FBXL7: variants seen among roughly 807,000 people sequenced by gnomAD.
FBXL7 encodes the protein F-box and leucine rich repeat protein 7.
FBXL7 carries 12 observed loss-of-function variants against 38.3 expected under a neutral mutation model. That is an observed-to-expected ratio of 0.31 (90% CI 0.20 to 0.51). The LOEUF is 0.51. Among genes scored for constraint, FBXL7 ranks in the 20% least tolerant of loss-of-function variants. The probability of loss-of-function intolerance (pLI) is 0.98; values close to 1 mark genes in which losing one functional copy is unlikely to be tolerated. For synonymous variants in FBXL7, 297 were observed against 300.9 expected (o/e 0.99, Z 0.13); for missense variants, 567 against 676.4 (o/e 0.84, Z 1.79).
intron 2 of FBXL7, among the ~76,000 whole-genome samples, chr5:15,790,985 G>T (rs557810554): frequency 6.6e-6 from 1 of 151,936 alleles, no homozygotes; most frequent in East Asian, 1.9e-4. Flanking sequence ...TCTGAATGGG[G>T]TGGCCTGGTA....
chr5:15,907,721 C>A (rs1741390158), intron 2 of FBXL7, among the ~76,000 whole-genome samples: 1 of 91,882 alleles, frequency 1.1e-5, no homozygotes, highest in African/African-American at 5.2e-5. Context: ...GATCCAGTTT[C>A]AGCTTTCTAC....
chr5:15,652,926 C>T (rs1426177965), intron 2 of FBXL7, among the ~76,000 whole-genome samples: 1 of 152,164 alleles, frequency 6.6e-6, no homozygotes, highest in African/African-American at 2.4e-5. Context: ...GTGATAGATA[C>T]TCCATTTATC....
intron 2 of FBXL7, among the ~76,000 whole-genome samples, chr5:15,631,454 G>C (rs1740993713): frequency 6.6e-6 from 1 of 152,008 alleles, no homozygotes; most frequent in Non-Finnish European, 1.5e-5. Context: ...CCAGCACTTT[G>C]GGAAGCTGAG....
intron 2 of FBXL7, among the ~76,000 whole-genome samples, chr5:15,851,074 A>G (rs1472405111): frequency 6.6e-6 from 1 of 152,130 alleles, no homozygotes; most frequent in Non-Finnish European, 1.5e-5. Flanking sequence ...GCCTTTCTTG[A>G]TAGACAGCAT....
chr5:15,821,762 C>G (rs1434464578), intron 2 of FBXL7, among the ~76,000 whole-genome samples: 1 of 152,216 alleles, frequency 6.6e-6, no homozygotes, highest in Non-Finnish European at 1.5e-5. Flanking sequence ...CACTCATCCC[C>G]ACCAAGCTCT....
intron 2 of FBXL7, among the ~76,000 whole-genome samples, chr5:15,650,345 A>G (rs1741665223): frequency 6.6e-6 from 1 of 152,338 alleles, no homozygotes; most frequent in Middle Eastern, 3.4e-3. Context: ...CTTAATTTTA[A>G]AATACTTTAT....
chr5:15,777,918 G>C (rs537074118), intron 2 of FBXL7, among the ~76,000 whole-genome samples: 2 of 151,726 alleles, frequency 1.3e-5, no homozygotes, highest in African/African-American at 4.8e-5. Context: ...CCACATGAAC[G>C]CCAGCAATCA....
At chr5:15,601,413 C>T (rs2126493843) in intron 1 of FBXL7, among the ~76,000 whole-genome samples, 1 of 152,316 alleles carries the variant, frequency 6.6e-6, no homozygotes, top group Non-Finnish European at 1.5e-5. Context: ...TCATTACTCT[C>T]TTCAGAAACC....
chr5:15,679,498 G>A (rs1742773253), intron 2 of FBXL7, among the ~76,000 whole-genome samples: 1 of 150,214 alleles, frequency 6.7e-6, no homozygotes, highest in South Asian at 2.1e-4. Context: ...ACTTTGCTGA[G>A]AGACTGTCTC....
chr5:15,742,499 C>T (rs1214995550), intron 2 of FBXL7, among the ~76,000 whole-genome samples: 8 of 152,152 alleles, frequency 5.3e-5, no homozygotes, highest in African/African-American at 9.7e-5. Flanking sequence ...ATGTGGTAGG[C>T]ATTCAGTAAA....
intron 2 of FBXL7, among the ~76,000 whole-genome samples, chr5:15,722,872 G>A (rs1744237722): frequency 3.4e-5 from 5 of 148,980 alleles, no homozygotes; most frequent in South Asian, 4.2e-4. Context: ...GCAGTGAGCC[G>A]AGATCGCGCC....
chr5:15,641,940 C>CG (rs1561065448), intron 2 of FBXL7, among the ~76,000 whole-genome samples: 9 of 99,946 alleles, frequency 9.0e-5, no homozygotes, highest in East Asian at 6.9e-4. Context: ...AACATAAAAC[C>CG]TTGTGTGTGT....
At position 15,834,744 on chromosome 5, in the gene FBXL7, A is replaced by G. The variant is rs538804618; in HGVS notation, c.128-93146A>G. Among the ~76,000 whole-genome samples the G allele has an allele frequency of 2.0e-5, 3 of 152,306 alleles. No individual in the cohort carries two copies. The East Asian group carries it at 5.8e-4, about 29-fold the overall frequency. On this transcript the variant is annotated intron_variant, in intron 2 of 3. Coordinates refer to ENST00000504595, the MANE Select transcript of FBXL7 (RefSeq NM_012304.5). ...CTGTGTGAACCTGACAAAGTTCTTAATGCTTTCATGCTCTCATTTCCTTTT... is the reference window on the plus strand; with the variant it reads ...CTGTGTGAACCTGACAAAGTTCTTAGTGCTTTCATGCTCTCATTTCCTTTT...
At chr5:15,606,276 C>T (rs1317963179) in intron 1 of FBXL7, among the ~76,000 whole-genome samples, 1 of 152,050 alleles carries the variant, frequency 6.6e-6, no homozygotes, top group African/African-American at 2.4e-5. Flanking sequence ...GCAGAACACA[C>T]ATACATGCGC....
Position 15,938,035 on chromosome 5 carries a change from G to C in FBXL7, c.*849G>C, listed in dbSNP as rs1742249514. On this transcript the variant is annotated 3_prime_UTR_variant, in exon 4 of 4. Coordinates refer to ENST00000504595, the MANE Select transcript of FBXL7 (RefSeq NM_012304.5). ...AGGAGATTGTGCAGTGCCAGCATCA[G>C]TGCATAAAGGGTCCTGTATGTCCTT... is the stretch of plus-strand genomic sequence containing the variant. 6.6e-6 allele frequency: 1 copy of C among 152,206 alleles called. No homozygotes were observed. The highest frequency in any genetic ancestry group is 6.5e-5 in the Admixed American group (1 of 15,286). 9.4% of individuals were successfully genotyped at this position (152,206 alleles called of 1,614,324 possible). A position where few individuals can be genotyped will look rare whatever the true frequency, so the allele number is the denominator to read the frequency against.
intron 2 of FBXL7, among the ~76,000 whole-genome samples, chr5:15,696,580 G>C (rs1419805049): frequency 6.6e-6 from 1 of 152,146 alleles, no homozygotes; most frequent in Admixed American, 6.5e-5. Flanking sequence ...ACCTTGCCCA[G>C]CTTCCTTGCA....
In FBXL7 at chr5:15,807,607, A is replaced by T. The variant is rs1199035337; in HGVS notation, c.128-120283A>T. Among the ~76,000 whole-genome samples, 4 of 152,230 alleles carry T rather than the reference A, an allele frequency of 2.6e-5. No homozygotes were observed. The South Asian group carries it at 8.3e-4, about 32-fold the overall frequency. On this transcript the variant is annotated intron_variant, in intron 2 of 3. Coordinates refer to ENST00000504595, the MANE Select transcript of FBXL7 (RefSeq NM_012304.5). ...ACTCTTGATTAGAACTTAATTGCAAACTGTTTCTAATCAAATCCTCCCTAA... is the reference window on the plus strand; with the variant it reads ...ACTCTTGATTAGAACTTAATTGCAATCTGTTTCTAATCAAATCCTCCCTAA...
intron 2 of FBXL7, among the ~76,000 whole-genome samples, chr5:15,635,279 G>A (rs1490493888): frequency 2.6e-5 from 4 of 152,116 alleles, no homozygotes; most frequent in Admixed American, 6.5e-5. Context: ...TGGAACTGTT[G>A]CTCAGAGAGC....
In FBXL7 at chr5:15,740,988, TAA is replaced by T. The variant is rs1362075148; in HGVS notation, c.127+124918_127+124919del. On this transcript the variant is annotated intron_variant, in intron 2 of 3. Coordinates refer to ENST00000504595, the MANE Select transcript of FBXL7 (RefSeq NM_012304.5). ...CAACCATACATTTTCCTAAGAGAAA[TAA>T]AGTCTCCTGTGTTCTTATAGTAAGC... Among the ~76,000 whole-genome samples the T allele has an allele frequency of 7.2e-5, 11 of 152,286 alleles. No homozygotes were observed. The South Asian group carries it at 2.1e-3, about 29-fold the overall frequency.
Sources: gnomAD v4.1 joint callset for allele counts (sites outside exome capture counted in the v4.1 genomes callset) on GRCh38, gnomAD v4.1.1 for gene constraint, MANE v1.5 for transcripts, NCBI Gene and HGNC (gene_info 2026-07-23, HGNC 2026-07-21) for gene names.